Variants in LGR6 observed in about 807,000 individuals in gnomAD.
LGR6 encodes the protein leucine rich repeat containing G protein-coupled receptor 6.
Under a neutral mutation model 69.4 loss-of-function variants are expected in LGR6, and 45 were observed. That is an observed-to-expected ratio of 0.65 (90% CI 0.51 to 0.83). The LOEUF (loss-of-function observed/expected upper bound fraction) is 0.83, where lower values mean the gene tolerates loss of function less well. Ranked by LOEUF, LGR6 falls within the 40% of genes least tolerant of loss-of-function variation. The pLI, the probability that LGR6 is intolerant of heterozygous loss-of-function variation, is 0.00. For missense variants in LGR6, 1,108 were observed against 1,246.7 expected (o/e 0.89, Z 1.68); for synonymous variants, 538 against 555.0 (o/e 0.97, Z 0.43).
chr1:202,245,578 TCTC>T (rs1313385939), intron 4 of LGR6, among the ~76,000 whole-genome samples: 1 of 152,034 alleles, frequency 6.6e-6, no homozygotes, highest in Admixed American at 6.5e-5. Context: ...GCCAGAATGT[TCTC>T]CTCTGACTGG....
In LGR6 at chr1:202,275,099, A is replaced by G. The variant is rs539875184; in HGVS notation, c.429-1207A>G. ...TGTGCTGTTGGGATGAAAGAATATC[A>G]CCCCATCCCACCCTACTGATCATAT... On this transcript the variant is annotated intron_variant, in intron 4 of 17. Transcript: ENST00000367278. Among the ~76,000 whole-genome samples the G allele has an allele frequency of 1.0e-3, 156 of 151,980 alleles. 1 individual carries two copies. Among genetic ancestry groups the G allele is most frequent in the African/African-American group, 3.6e-3 (151 of 41,438 alleles).
In LGR6 at chr1:202,233,643, G is replaced by A. The variant is rs1311470955; in HGVS notation, c.357-2279G>A. 2.6e-5 allele frequency among the ~76,000 whole-genome samples: 4 copies of A among 152,246 alleles called. No individual in the cohort carries two copies. In the East Asian group the frequency reaches 7.7e-4, roughly 29 times the overall value. ...GCAGCCTCTTCCTTTGAAAGATGAA[G>A]GAATCAAGGTCCAGAGAGGGGAGAG... On this transcript the variant is annotated intron_variant, in intron 3 of 17. Transcript: ENST00000367278.
At chr1:202,309,262 A>G (rs1490123600) in intron 15 of LGR6, 86 bp downstream of exon 15, 7 of 1,517,600 alleles carry the variant, frequency 4.6e-6, no homozygotes, top group African/African-American at 1.4e-5. Flanking sequence ...CCCCACCCTG[A>G]GAAGAGCCTA....
At chr1:202,274,276 A>G (rs1380847432) in intron 4 of LGR6, among the ~76,000 whole-genome samples, 1 of 152,182 alleles carries the variant, frequency 6.6e-6, no homozygotes, top group Non-Finnish European at 1.5e-5. Flanking sequence ...TTTATTTAAA[A>G]ACATTGAGTG....
chr1:202,198,150 C>CTG (rs538156359), intron 1 of LGR6, among the ~76,000 whole-genome samples: 1 of 151,764 alleles, frequency 6.6e-6, no homozygotes, highest in Non-Finnish European at 1.5e-5. Context: ...CTGTGTGTGT[C>CTG]TGTGTGTGTG....
intron 4 of LGR6, among the ~76,000 whole-genome samples, chr1:202,241,320 T>G (rs527908779): frequency 3.3e-5 from 5 of 152,270 alleles, no homozygotes; most frequent in Non-Finnish European, 5.9e-5. Flanking sequence ...CAGGGAAGGT[T>G]CAGTCTTGTG....
intron 1 of LGR6, chr1:202,194,419 C>T (rs1658554554): frequency 1.7e-6 from 1 of 591,076 alleles, no homozygotes; most frequent in Non-Finnish European, 3.1e-6. Context: ...CCTGACTTGG[C>T]TTCCCCATTG....
chr1:202,201,381 A>G (rs531205339), intron 1 of LGR6, among the ~76,000 whole-genome samples: 2 of 152,232 alleles, frequency 1.3e-5, no homozygotes, highest in Non-Finnish European at 2.9e-5. Context: ...ACCAGCGTTT[A>G]TTGAATGATT....
At position 202,222,449 on chromosome 1, in the gene LGR6, G is replaced by A. The variant is rs868491747; in HGVS notation, c.213-2974G>A. ...TGGGGGCCATGGAGGGACATCAGAG[G>A]CTCTGCGGCCCGGCCCCTGGGGGGA... On this transcript the variant is annotated intron_variant, in intron 1 of 17. Coordinates refer to ENST00000367278, the MANE Select transcript of LGR6 (RefSeq NM_001017403.2). Among the ~76,000 whole-genome samples the A allele has an allele frequency of 2.0e-5, 3 of 152,298 alleles. No homozygotes were observed. The Middle Eastern group carries it at 0.01, about 518-fold the overall frequency.
intron 2 of LGR6, 35 bp downstream of exon 2, chr1:202,225,529 T>C: frequency 1.3e-6 from 2 of 1,578,766 alleles, no homozygotes; most frequent in Non-Finnish European, 1.7e-6. Flanking sequence ...GAGGCAAGCA[T>C]GGGCTCTGTC....
intron 16 of LGR6, 130 bp downstream of exon 16, chr1:202,310,487 G>A (rs1268636664): frequency 3.5e-6 from 3 of 851,230 alleles, no homozygotes; most frequent in Non-Finnish European, 3.6e-6. Flanking sequence ...GGTGGGAGGA[G>A]CTGCCTGTGA....
chr1:202,271,604 C>T (rs1665104410), intron 4 of LGR6, among the ~76,000 whole-genome samples: 1 of 151,862 alleles, frequency 6.6e-6, no homozygotes, highest in Non-Finnish European at 1.5e-5. Flanking sequence ...GTCAGGAGTT[C>T]GAGACCAGCC....
chr1:202,314,370 A>G (rs1653980181), intron 16 of LGR6, among the ~76,000 whole-genome samples: 1 of 152,032 alleles, frequency 6.6e-6, no homozygotes, highest in African/African-American at 2.4e-5. Context: ...GTCTAAACAC[A>G]CTGCAGCTCA....
chr1:202,303,057 G>A (rs1667723177), intron 9 of LGR6, among the ~76,000 whole-genome samples: 1 of 152,126 alleles, frequency 6.6e-6, no homozygotes. Context: ...CTGTCTGGGC[G>A]AGGGTGTGCT....
At position 202,318,065 on chromosome 1, in the gene LGR6, G is replaced by T. The variant is rs141363260; in HGVS notation, c.1762G>T (p.Ala588Ser). Residue 588 changes from alanine (A) to serine (S), a missense_variant, in exon 18 of 18, where the codon GCT becomes TCT. Transcript: ENST00000367278. Reference protein sequence around the residue: ...CNGLVLLTVFAGGPVPLPPVK... With the variant: ...CNGLVLLTVFSGGPVPLPPVK... ...TGGACTGGTGCTGCTGACCGTGTTC[G>T]CTGGCGGGCCTGTCCCCCTGCCCCC... The T allele has an allele frequency of 5.0e-6, 8 of 1,614,194 alleles. No homozygotes were observed. The Admixed American group carries it at 5.0e-5, about 10-fold the overall frequency.
At chr1:202,271,061 C>T (rs1234940363) in intron 4 of LGR6, among the ~76,000 whole-genome samples, 1 of 152,156 alleles carries the variant, frequency 6.6e-6, no homozygotes, top group East Asian at 1.9e-4. Flanking sequence ...ACTTGAGGGG[C>T]CAGGTCCACG....
chr1:202,256,604 A>G (rs1230776164), intron 4 of LGR6, among the ~76,000 whole-genome samples: 2 of 151,816 alleles, frequency 1.3e-5, no homozygotes, highest in East Asian at 1.9e-4. Context: ...ATTTTATTTT[A>G]CCTCTGTATC....
At chr1:202,281,586 G>A (rs1164665338) in intron 6 of LGR6, among the ~76,000 whole-genome samples, 2 of 152,130 alleles carry the variant, frequency 1.3e-5, no homozygotes, top group Non-Finnish European at 2.9e-5. Context: ...GCCAGCTGGG[G>A]TCCCTCAGCA....
rs942131931 is a variant in LGR6 at position 202,193,832 on chromosome 1, G to C, written c.-158G>C. ...ATGCCTGCCCCTCTCTGACTGCACC[G>C]TCCCGGCGCTCCCACCGCCGCCGCC... On this transcript the variant is annotated 5_prime_UTR_variant, in exon 1 of 18. Transcript: ENST00000367278. 149 of 316,788 alleles carry C rather than the reference G, an allele frequency of 4.7e-4. 1 individual carries two copies. The highest frequency in any genetic ancestry group is 4.3e-4 in the Non-Finnish European group (76 of 177,816). The allele number at this position is 316,788 out of a possible 1,614,324, so 19.6% of individuals were successfully genotyped here.
Sources: allele counts gnomAD v4.1 joint callset (sites outside exome capture counted in the v4.1 genomes callset), GRCh38; gene constraint gnomAD v4.1.1; transcripts MANE v1.5; gene names NCBI Gene and HGNC (gene_info 2026-07-23, HGNC 2026-07-21).